AFAP1: variants seen among roughly 807,000 people sequenced by gnomAD.
AFAP1 encodes actin filament-associated protein 1.
A neutral mutation model predicts 93.9 loss-of-function variants in AFAP1; 75 were observed. The observed-to-expected ratio is 0.80, with a 90% confidence interval of 0.66 to 0.97. The LOEUF is 0.97. Among genes scored for constraint, AFAP1 ranks in the 50% least tolerant of loss-of-function variants. AFAP1 has a pLI of 0.00. For synonymous variants in AFAP1, 517 were observed against 430.7 expected (o/e 1.20, Z -2.48); for missense variants, 1,201 against 1,050.8 (o/e 1.14, Z -1.98).
intron 1 of AFAP1, among the ~76,000 whole-genome samples, chr4:7,919,221 G>A (rs1720300785): frequency 6.6e-6 from 1 of 152,208 alleles, no homozygotes; most frequent in African/African-American, 2.4e-5. Flanking sequence ...CCCAACGGCG[G>A]CAACAACATC....
Position 7,874,673 on chromosome 4 carries a change from A to G in AFAP1, c.-2-2593T>C, listed in dbSNP as rs187262236. Among the ~76,000 whole-genome samples, 886 of 147,726 alleles carry G rather than the reference A, an allele frequency of 6.0e-3. 7 individuals carry two copies. The highest frequency in any genetic ancestry group is 0.019 in the African/African-American group (773 of 39,930). ...GCTGGGATTACAGGCATGAGCCACCACACCCAGCCTAGATTTTCTTCACAT... is the reference window on the plus strand; with the variant it reads ...GCTGGGATTACAGGCATGAGCCACCGCACCCAGCCTAGATTTTCTTCACAT... On this transcript the variant is annotated intron_variant, in intron 1 of 17. Transcript: ENST00000420658.
intron 12 of AFAP1, among the ~76,000 whole-genome samples, chr4:7,782,379 G>C (rs996484391): frequency 3.9e-5 from 6 of 152,216 alleles, no homozygotes; most frequent in Non-Finnish European, 8.8e-5. Flanking sequence ...AACCCCCTCT[G>C]TCCCCTGCTC....
intron 11 of AFAP1, among the ~76,000 whole-genome samples, chr4:7,790,415 T>A (rs957527825): frequency 6.6e-6 from 1 of 152,244 alleles, no homozygotes; most frequent in African/African-American, 2.4e-5. Context: ...TGATTTAGAT[T>A]AATACTCTAG....
At chr4:7,840,305 GGTGTGT>G (rs5855989) in intron 5 of AFAP1, among the ~76,000 whole-genome samples, 4,592 of 131,212 alleles carry the variant, frequency 0.035, 210 homozygotes, top group African/African-American at 0.11. Flanking sequence ...TTGTTTTTGG[GGTGTGT>G]GTGTGTGTGT....
chr4:7,879,457 G>A (rs575714632), intron 1 of AFAP1, among the ~76,000 whole-genome samples: 2 of 152,142 alleles, frequency 1.3e-5, no homozygotes, highest in Admixed American at 6.5e-5. Context: ...ACAGAATGGC[G>A]AGGTCACCAA....
intron 1 of AFAP1, among the ~76,000 whole-genome samples, chr4:7,934,610 A>G (rs1312996974): frequency 1.3e-5 from 2 of 152,210 alleles, no homozygotes. Flanking sequence ...GAAAAGGCAG[A>G]GGAGAGAGAG....
intron 1 of AFAP1, among the ~76,000 whole-genome samples, chr4:7,887,771 G>A (rs761450463): frequency 2.0e-5 from 3 of 152,050 alleles, no homozygotes; most frequent in Non-Finnish European, 4.4e-5. Flanking sequence ...GGCTTAGTAC[G>A]ATTATGCTAT....
chr4:7,773,118 A>T, intron 15 of AFAP1, 108 bp from the exon 16 acceptor site: 2 of 1,459,888 alleles, frequency 1.4e-6, no homozygotes, highest in Non-Finnish European at 1.8e-6. Flanking sequence ...TCTGAGGTCG[A>T]GCTCCCCTGA....
rs1171217777 is a variant in AFAP1 at position 7,763,057 on chromosome 4, CCTTGAT to C, written c.*702_*707del. 1 of 152,444 alleles carries C rather than the reference CCTTGAT, an allele frequency of 6.6e-6. No individual in the cohort carries two copies. The highest frequency in any genetic ancestry group is 2.4e-5 in the African/African-American group (1 of 41,416). 9.4% of individuals were successfully genotyped at this position (152,444 alleles called of 1,614,324 possible). A position where few individuals can be genotyped will look rare whatever the true frequency, so the allele number is the denominator to read the frequency against. On this transcript the variant is annotated 3_prime_UTR_variant, in exon 18 of 18. Coordinates refer to ENST00000420658, the MANE Select transcript of AFAP1 (RefSeq NM_001134647.2). ...ATAAAATAAGGAACCTCTGAAAACT[CCTTGAT>C]CTAAGTGTGACACACAGTAAAAAGA...
At chr4:7,915,385 G>A (rs1367992945) in intron 1 of AFAP1, among the ~76,000 whole-genome samples, 1 of 145,146 alleles carries the variant, frequency 6.9e-6, no homozygotes, top group Non-Finnish European at 1.5e-5. Context: ...TGGGTGTGGT[G>A]ACTCCAACCT....
chr4:7,892,011 G>A (rs148835468), intron 1 of AFAP1, among the ~76,000 whole-genome samples: 324 of 152,174 alleles, frequency 2.1e-3, no homozygotes, highest in African/African-American at 7.5e-3. Context: ...CCAAGAAGGT[G>A]CCATTGCACT....
At chr4:7,808,179 C>G (rs1237356082) in intron 9 of AFAP1, among the ~76,000 whole-genome samples, 1 of 152,164 alleles carries the variant, frequency 6.6e-6, no homozygotes, top group East Asian at 1.9e-4. Context: ...ACAGCACATT[C>G]CTATAATTTC....
chr4:7,781,244 A>G (rs1716736917), intron 13 of AFAP1, 132 bp downstream of exon 13: 1 of 1,174,358 alleles, frequency 8.5e-7, no homozygotes, highest in African/African-American at 1.6e-5. Context: ...TGCAAATTAT[A>G]TTCTAGTTGA....
chr4:7,937,107 G>A (rs1239582650), intron 1 of AFAP1, among the ~76,000 whole-genome samples: 2 of 152,198 alleles, frequency 1.3e-5, no homozygotes, highest in African/African-American at 4.8e-5. Flanking sequence ...TGGATATAGT[G>A]AAGATGTTGC....
chr4:7,775,046 T>A, intron 14 of AFAP1, 143 bp from the exon 15 acceptor site: 2 of 989,830 alleles, frequency 2.0e-6, no homozygotes, highest in Non-Finnish European at 2.9e-6. Context: ...GAAGCTGAGG[T>A]GGGAGAATCG....
At chr4:7,776,315 C>CAA (rs1322422566) in intron 14 of AFAP1, 8 of 152,204 alleles carry the variant, frequency 5.3e-5, no homozygotes, top group African/African-American at 1.9e-4. Flanking sequence ...CATGACTCTG[C>CAA]AAGCAACCTC....
intron 3 of AFAP1, among the ~76,000 whole-genome samples, chr4:7,864,784 T>C (rs1716219201): frequency 6.6e-6 from 1 of 152,226 alleles, no homozygotes; most frequent in Non-Finnish European, 1.5e-5. Flanking sequence ...AAAGCCGAGT[T>C]GATGATTCTC....
intron 1 of AFAP1, among the ~76,000 whole-genome samples, chr4:7,880,135 A>C (rs976175554): frequency 2.0e-5 from 3 of 152,192 alleles, no homozygotes. Context: ...CAGGCCGGGC[A>C]GTGAGTTCAT....
intron 1 of AFAP1, among the ~76,000 whole-genome samples, chr4:7,934,850 G>C (rs1296886473): frequency 5.3e-5 from 8 of 152,214 alleles, no homozygotes; most frequent in African/African-American, 1.9e-4. Flanking sequence ...CTTCGCTAAA[G>C]CATGGGAATG....
Sources: gnomAD v4.1 joint callset for allele counts (sites outside exome capture counted in the v4.1 genomes callset) on GRCh38, gnomAD v4.1.1 for gene constraint, MANE v1.5 for transcripts, NCBI Gene and HGNC (gene_info 2026-07-23, HGNC 2026-07-21) for gene names.